The following C2orf80 variants were observed in gnomAD, a reference collection of about 807,000 sequenced individuals.
C2orf80 encodes chromosome 2 open reading frame 80.
Under a neutral mutation model 30.2 loss-of-function variants are expected in C2orf80, and 28 were observed. The observed-to-expected ratio is 0.93, with a 90% CI of 0.69 to 1.27. The LOEUF (loss-of-function observed/expected upper bound fraction) is 1.27. Ranked by LOEUF, C2orf80 falls within the 50% of genes most tolerant of loss-of-function variation. The pLI, the probability that C2orf80 is intolerant of heterozygous loss-of-function variation, is 0.00. For missense variants in C2orf80, 220 were observed against 231.0 expected, an observed-to-expected ratio of 0.95 and a Z score of 0.31; for synonymous variants, 80 against 76.4, an observed-to-expected ratio of 1.05 and a Z score of -0.24.
intron 6 of C2orf80, 87 bp from the exon 7 acceptor site, chr2:208,172,162 C>G: frequency 9.5e-7 from 1 of 1,049,264 alleles, no homozygotes; most frequent in Non-Finnish European, 1.5e-6. Context: ...CCTATTTAAT[C>G]AACTCAGAAT....
At chr2:208,183,547 G>T (rs573348036) in intron 3 of C2orf80, among the ~76,000 whole-genome samples, 81 of 152,292 alleles carry the variant, frequency 5.3e-4, no homozygotes, top group African/African-American at 1.8e-3. Flanking sequence ...TGTGCTTCCA[G>T]GGGTACAGGG....
chr2:208,184,822 T>G, intron 3 of C2orf80, 129 bp downstream of exon 3: 1 of 627,354 alleles, frequency 1.6e-6, no homozygotes, highest in Non-Finnish European at 2.7e-6. Flanking sequence ...GAGGGGAAGA[T>G]GAGGAAGAGG....
intron 6 of C2orf80, among the ~76,000 whole-genome samples, chr2:208,180,017 T>C (rs1414392019): frequency 6.6e-6 from 1 of 152,176 alleles, no homozygotes; most frequent in Non-Finnish European, 1.5e-5. Context: ...GTATCAGCAG[T>C]AAACTAGGGA....
chr2:208,186,309 GA>G (rs1490855720), intron 2 of C2orf80, among the ~76,000 whole-genome samples: 1 of 152,182 alleles, frequency 6.6e-6, no homozygotes, highest in Non-Finnish European at 1.5e-5. Flanking sequence ...GCTCTTTGAT[GA>G]AAAGGCTATT....
intron 3 of C2orf80, among the ~76,000 whole-genome samples, chr2:208,183,523 T>C (rs1405763944): frequency 6.6e-6 from 1 of 151,890 alleles, no homozygotes; most frequent in Non-Finnish European, 1.5e-5. Context: ...ATTCTGTGAG[T>C]AGAATGTCAG....
At chr2:208,188,708 C>G (rs540941833) in intron 1 of C2orf80, among the ~76,000 whole-genome samples, 62 of 152,314 alleles carry the variant, frequency 4.1e-4, no homozygotes, top group African/African-American at 1.3e-3. Context: ...CTCAGCCTCC[C>G]AAAGTGCTGG....
intron 6 of C2orf80, among the ~76,000 whole-genome samples, chr2:208,174,144 G>A (rs1348498210): frequency 1.3e-5 from 2 of 151,896 alleles, no homozygotes; most frequent in Non-Finnish European, 2.9e-5. Flanking sequence ...GGTATAGACA[G>A]GTTTTTGCCA....
intron 6 of C2orf80, among the ~76,000 whole-genome samples, chr2:208,178,084 C>T (rs1248622853): frequency 6.6e-6 from 1 of 152,088 alleles, no homozygotes; most frequent in Non-Finnish European, 1.5e-5. Flanking sequence ...TCCTAAGGTG[C>T]TGGTATTACA....
chr2:208,178,902 C>A (rs566877163), intron 6 of C2orf80, among the ~76,000 whole-genome samples: 1 of 152,140 alleles, frequency 6.6e-6, no homozygotes, highest in East Asian at 1.9e-4. Context: ...GGATTACAGG[C>A]GACCGCCACC....
intron 4 of C2orf80, among the ~76,000 whole-genome samples, chr2:208,181,539 A>G (rs1696559858): frequency 6.6e-6 from 1 of 152,180 alleles, no homozygotes; most frequent in Non-Finnish European, 1.5e-5. Flanking sequence ...CACAGCAATC[A>G]AAGATTGGCA....
chr2:208,177,033 A>AT (rs1696372949), intron 6 of C2orf80, among the ~76,000 whole-genome samples: 1 of 107,824 alleles, frequency 9.3e-6, no homozygotes, highest in African/African-American at 3.4e-5. Context: ...ATACAGATAT[A>AT]GTACACATAT....
At chr2:208,177,537 A>G (rs10206969) in intron 6 of C2orf80, among the ~76,000 whole-genome samples, 56,656 of 151,794 alleles carry the variant, frequency 0.37, 11,997 homozygotes, top group East Asian at 0.74. Flanking sequence ...GGGAAATTCC[A>G]TCTCAAGAAA....
intron 6 of C2orf80, among the ~76,000 whole-genome samples, chr2:208,177,245 A>G (rs1338362324): frequency 1.3e-5 from 2 of 150,056 alleles, no homozygotes; most frequent in African/African-American, 4.9e-5. Flanking sequence ...ACATAGCAAT[A>G]AACAAAATAC....
chr2:208,188,393 A>G (rs1696781510), intron 1 of C2orf80, among the ~76,000 whole-genome samples: 2 of 152,104 alleles, frequency 1.3e-5, no homozygotes, highest in South Asian at 4.1e-4. Context: ...CAGAGAGCCA[A>G]CAGGATGGCG....
intron 3 of C2orf80, among the ~76,000 whole-genome samples, chr2:208,183,277 T>A (rs1696619389): frequency 6.6e-6 from 1 of 151,704 alleles, no homozygotes; most frequent in Non-Finnish European, 1.5e-5. Context: ...CTTGAGACAT[T>A]AAATTTATTT....
chr2:208,175,840 A>G (rs963462023), intron 6 of C2orf80, among the ~76,000 whole-genome samples: 5 of 152,148 alleles, frequency 3.3e-5, no homozygotes, highest in Middle Eastern at 3.4e-3. Context: ...TTGAAATGCT[A>G]CATTGCTATC....
Position 208,165,669 on chromosome 2 carries a change from A to G in C2orf80, c.*138T>C. 3.4e-6 allele frequency: 4 copies of G among 1,161,154 alleles called. 1 individual carries two copies. In the South Asian group the frequency reaches 4.6e-5, roughly 13 times the overall value. The allele number at this position is 1,161,154 out of a possible 1,614,324, so 71.9% of individuals were successfully genotyped here. A position where few individuals can be genotyped will look rare whatever the true frequency, so the allele number is the denominator to read the frequency against. On this transcript the variant is annotated 3_prime_UTR_variant, in exon 9 of 9. Coordinates refer to ENST00000341287, the MANE Select transcript of C2orf80 (RefSeq NM_001099334.3). ...TCTAAAAGAAGAAAGCTCAACATCA[A>G]AAATAACACTTCAGTGCAGTTGTAC...
At chr2:208,178,643 G>A (rs189552140) in intron 6 of C2orf80, among the ~76,000 whole-genome samples, 25 of 152,242 alleles carry the variant, frequency 1.6e-4, no homozygotes, top group African/African-American at 5.3e-4. Flanking sequence ...GCTGGGTGTG[G>A]TGATGCATGC....
At chr2:208,171,914 A>C in intron 7 of C2orf80, 74 bp downstream of exon 7, 1 of 1,240,550 alleles carries the variant, frequency 8.1e-7, no homozygotes. Flanking sequence ...TTTTGACCTT[A>C]CCTGGTGAGC....
Sources: allele counts gnomAD v4.1 joint callset (sites outside exome capture counted in the v4.1 genomes callset), GRCh38; gene constraint gnomAD v4.1.1; transcripts MANE v1.5; gene names NCBI Gene and HGNC (gene_info 2026-07-23, HGNC 2026-07-21).